Variants in UGT2B17 observed in about 807,000 individuals in gnomAD.
UGT2B17 encodes the protein UDP-glucuronosyltransferase 2B17.
A neutral mutation model predicts 48.2 loss-of-function variants in UGT2B17; 21 were observed. The observed-to-expected ratio is 0.44, with a 90% CI of 0.31 to 0.63. The LOEUF (loss-of-function observed/expected upper bound fraction) is 0.63. UGT2B17 is among the 20% of genes least tolerant of loss of function. UGT2B17 has a pLI of 0.08. For synonymous variants in UGT2B17, 146 were observed against 238.4 expected, an observed-to-expected ratio of 0.61 and a Z score of 3.57; for missense variants, 402 against 696.1, an observed-to-expected ratio of 0.58 and a Z score of 4.75.
rs1200305780 is a variant in UGT2B17, at chr4:68,546,527, G to C, written c.1313+4150C>G. Among the ~76,000 whole-genome samples the C allele has an allele frequency of 1.6e-5, 2 of 126,150 alleles. 1 individual carries two copies. Among genetic ancestry groups the C allele is most frequent in the Non-Finnish European group, 3.4e-5 (2 of 59,586 alleles). The allele number at this position is 126,150 out of a possible 152,430, so 82.8% of individuals were successfully genotyped here. ...TTGAAGACTGGTACAAGACAGGGAT[G>C]CCCTCTCTCACCACTCCTATTCAAC... is the stretch of plus-strand genomic sequence containing the variant. On this transcript the variant is annotated intron_variant, in intron 6 of 6. Coordinates refer to ENST00000317746, the MANE Select transcript of UGT2B17 (RefSeq NM_001077.4).
Position 68,567,835 on chromosome 4 carries a change from T to C in UGT2B17, c.650A>G (p.Tyr217Cys), listed in dbSNP as rs768250867. ...AAACCAAAAGTCAAAATAAAGCATA[T>C]ATATCATATTTTTTATCCTCTCCAT... ...IFMERIKNMI[Y>C]MLYFDFWFQA... The change falls in exon 2 of 7, where the codon TAT (tyrosine) becomes TGT (cysteine). Residue 217 changes from tyrosine (Y) to cysteine (C), a missense_variant. This residue lies in a region of UGT2B17 where 106 missense variants were observed against 169.8 expected (regional missense o/e 0.62). Transcript: ENST00000317746. 66 of 1,374,888 alleles carry C rather than the reference T, an allele frequency of 4.8e-5. 17 individuals are homozygous for C. Among genetic ancestry groups the C allele is most frequent in the Non-Finnish European group, 6.2e-5 (65 of 1,053,056 alleles). The allele number at this position is 1,374,888 out of a possible 1,614,324, so 85.2% of individuals were successfully genotyped here. A position where few individuals can be genotyped will look rare whatever the true frequency, so the allele number is the denominator to read the frequency against.
Position 68,537,410 on chromosome 4 carries a change from A to G in UGT2B17, c.*215T>C. 2.6e-6 allele frequency: 1 copy of G among 380,400 alleles called. No homozygotes were observed. The highest frequency in any genetic ancestry group is 3.9e-6 in the Non-Finnish European group (1 of 256,522). The allele number at this position is 380,400 out of a possible 1,614,324, so 23.6% of individuals were successfully genotyped here. A position where few individuals can be genotyped will look rare whatever the true frequency, so the allele number is the denominator to read the frequency against. ...TCAATATAAGCCCATAAGGTTTTAT[A>G]TTATTATTTTTCATAGCTTAAAAAT... On this transcript the variant is annotated 3_prime_UTR_variant, in exon 7 of 7. Transcript: ENST00000317746.
rs1314439227 is a variant in UGT2B17, at chr4:68,571,538, C to G, written c.-64-2990G>C. ...TGTGGTACTATTATAGAGCTTTTGT[C>G]TAAGACAGCTAAGCTGCCTTACAGG... On this transcript the variant is annotated intron_variant, in intron 1 of 6. Coordinates refer to ENST00000317746, the MANE Select transcript of UGT2B17 (RefSeq NM_001077.4). Among the ~76,000 whole-genome samples the G allele has an allele frequency of 1.6e-5, 2 of 126,580 alleles. 1 individual carries two copies. The highest frequency in any genetic ancestry group is 1.5e-3 in the East Asian group (2 of 1,338). The allele number at this position is 126,580 out of a possible 152,430, so 83.0% of individuals were successfully genotyped here.
chr4:68,555,956 G>T (rs1730992779), intron 4 of UGT2B17, among the ~76,000 whole-genome samples: 1 of 103,464 alleles, frequency 9.7e-6, no homozygotes, highest in Non-Finnish European at 2.0e-5. Context: ...AAAGCTTGAA[G>T]AGAAATAATT....
intron 6 of UGT2B17, among the ~76,000 whole-genome samples, chr4:68,544,645 C>G (rs1207581152): frequency 1.6e-5 from 2 of 126,050 alleles, no homozygotes; most frequent in Non-Finnish European, 3.4e-5. Context: ...AAGACACAGA[C>G]TGGCAAACTG....
Position 68,558,446 on chromosome 4 carries a change from C to A in UGT2B17, c.1005+2091G>T, listed in dbSNP as rs371502410. 2.9e-4 allele frequency among the ~76,000 whole-genome samples: 37 copies of A among 126,424 alleles called. 12 individuals carry two copies. The East Asian group carries it at 0.012, about 41-fold the overall frequency. The allele number at this position is 126,424 out of a possible 152,430, so 82.9% of individuals were successfully genotyped here. On this transcript the variant is annotated intron_variant, in intron 4 of 6. Transcript: ENST00000317746. ...TACAAATTAAGCTAGACAACTTAAA[C>A]TCCAGAAGAAAATAACAGCAACCAA...
chr4:68,546,578 G>A (rs1323491918), intron 6 of UGT2B17, among the ~76,000 whole-genome samples: 3 of 125,298 alleles, frequency 2.4e-5, no homozygotes, highest in Non-Finnish European at 5.1e-5. Context: ...CTGGCCAGGA[G>A]AATAAGGCAG....
At chr4:68,558,495 T>A (rs932491188) in intron 4 of UGT2B17, among the ~76,000 whole-genome samples, 1 of 126,562 alleles carries the variant, frequency 7.9e-6, no homozygotes, top group Non-Finnish European at 1.7e-5. Context: ...TCCACTTTCA[T>A]ACCTGCCTAC....
rs1183023144 is a variant in UGT2B17 at position 68,537,625 on chromosome 4, C to G, written c.1593G>C (p.Ter531TyrextTer9). 11 of 1,364,644 alleles carry G rather than the reference C, an allele frequency of 8.1e-6. 1 individual carries two copies. Among genetic ancestry groups the G allele is most frequent in the Non-Finnish European group, 9.6e-6 (10 of 1,046,444 alleles). The allele number at this position is 1,364,644 out of a possible 1,614,324, so 84.5% of individuals were successfully genotyped here. Residue 531 changes from the stop codon to tyrosine (Y), a stop_lost, in exon 7 of 7, where the codon TAG becomes TAC. Transcript: ENST00000317746. ...AKTGKKKKRD[*>Y] ...ATTCCACTTCAGGCTTTTGATATAA[C>G]TAATCCCTTTTCTTCTTCTTTCCTG...
chr4:68,568,055 A>C lies in UGT2B17; in HGVS notation c.430T>G (p.Ser144Ala), dbSNP rs1357039335. 7.2e-7 allele frequency: 1 copy of C among 1,381,592 alleles called. No homozygotes were observed. Among genetic ancestry groups the C allele is most frequent in the Non-Finnish European group, 9.5e-7 (1 of 1,055,048 alleles). The allele number at this position is 1,381,592 out of a possible 1,614,324, so 85.6% of individuals were successfully genotyped here. Reference sequence around the variant, plus strand: ...TCTGCCAGAAGGACATCAAATTTTGACTCTTGTAGTTTTCTCATAAGTTTC... The same window carrying C: ...TCTGCCAGAAGGACATCAAATTTTGCCTCTTGTAGTTTTCTCATAAGTTTC... ...NKKLMRKLQE[S>A]KFDVLLADAV... Residue 144 changes from serine (S) to alanine (A), a missense_variant, in exon 2 of 7, where the codon TCA becomes GCA. Coordinates refer to ENST00000317746, the MANE Select transcript of UGT2B17 (RefSeq NM_001077.4).
rs1184873424 is a variant in UGT2B17 at position 68,555,841 on chromosome 4, G to T, written c.1006-3930C>A. Among the ~76,000 whole-genome samples the T allele has an allele frequency of 6.5e-5, 8 of 123,074 alleles. 1 individual carries two copies. The highest frequency in any genetic ancestry group is 2.2e-4 in the African/African-American group (8 of 36,302). The allele number at this position is 123,074 out of a possible 152,430, so 80.7% of individuals were successfully genotyped here. The stretch of plus-strand genomic sequence containing the variant: ...GTGAAGAAGTGTTGTCTAATTCAAA[G>T]CTTATTTAAAGGTTATGTATAAAAC... On this transcript the variant is annotated intron_variant, in intron 4 of 6. Transcript: ENST00000317746.
chr4:68,543,160 C>A (rs1321365404), intron 6 of UGT2B17, among the ~76,000 whole-genome samples: 1 of 125,992 alleles, frequency 7.9e-6, no homozygotes, highest in Non-Finnish European at 1.7e-5. Context: ...GTCCTGATCC[C>A]CGAGTAGCCT....
rs538821093 is a variant in UGT2B17 at position 68,545,369 on chromosome 4, A to T, written c.1313+5308T>A. Among the ~76,000 whole-genome samples, 15 of 126,232 alleles carry T rather than the reference A, an allele frequency of 1.2e-4. 6 individuals carry two copies. The highest frequency in any genetic ancestry group is 4.1e-4 in the African/African-American group (15 of 36,876). 82.8% of individuals were successfully genotyped at this position (126,232 alleles called of 152,430 possible). A position where few individuals can be genotyped will look rare whatever the true frequency, so the allele number is the denominator to read the frequency against. The stretch of plus-strand genomic sequence containing the variant: ...AAGGCAGAATTAAAGATGTTCTTTG[A>T]AACCAACGAGAACAAAGACACAACA... On this transcript the variant is annotated intron_variant, in intron 6 of 6. Coordinates refer to ENST00000317746, the MANE Select transcript of UGT2B17 (RefSeq NM_001077.4).
chr4:68,539,172 A>G (rs1343184623), intron 6 of UGT2B17, among the ~76,000 whole-genome samples: 1 of 126,564 alleles, frequency 7.9e-6, no homozygotes, highest in Admixed American at 8.2e-5. Context: ...TATCTTAAAC[A>G]TTATCCAAAA....
At chr4:68,550,115 T>A (rs1730888457) in intron 6 of UGT2B17, among the ~76,000 whole-genome samples, 1 of 125,332 alleles carries the variant, frequency 8.0e-6, no homozygotes, top group Admixed American at 8.2e-5. Flanking sequence ...TTTCTAGGAC[T>A]GGAGGTGTAT....
In UGT2B17 at chr4:68,537,178, A is replaced by G. The variant is rs1235160076; in HGVS notation, c.*447T>C. On this transcript the variant is annotated 3_prime_UTR_variant, in exon 7 of 7. Transcript: ENST00000317746. ...CTCAAAAGGAAGAGTGAGACTTTTTACATAATTTAATTATTGAAGATTTCA... is the reference window on the plus strand; with the variant it reads ...CTCAAAAGGAAGAGTGAGACTTTTTGCATAATTTAATTATTGAAGATTTCA... The G allele has an allele frequency of 7.8e-6, 1 of 128,150 alleles. No homozygotes were observed. The highest frequency in any genetic ancestry group is 2.7e-5 in the African/African-American group (1 of 37,216). 7.9% of individuals were successfully genotyped at this position (128,150 alleles called of 1,614,324 possible).
rs1409334980 is a variant in UGT2B17 at position 68,566,988 on chromosome 4, T to A, written c.724+773A>T. On this transcript the variant is annotated intron_variant, in intron 2 of 6. Transcript: ENST00000317746. ...ATCTTTACACCTACTACTGTCTTGG[T>A]TCATCTTAAGATCTTAATATAATTA... Among the ~76,000 whole-genome samples the A allele has an allele frequency of 2.6e-5, 3 of 116,910 alleles. 1 individual carries two copies. The highest frequency in any genetic ancestry group is 9.1e-5 in the Admixed American group (1 of 10,970). The allele number at this position is 116,910 out of a possible 152,430, so 76.7% of individuals were successfully genotyped here. A position where few individuals can be genotyped will look rare whatever the true frequency, so the allele number is the denominator to read the frequency against.
chr4:68,571,270 T>C (rs1044540662), intron 1 of UGT2B17, among the ~76,000 whole-genome samples: 1 of 125,478 alleles, frequency 8.0e-6, no homozygotes, highest in Non-Finnish European at 1.7e-5. Flanking sequence ...CTGGGAAGCC[T>C]AGAAGTTCAT....
At chr4:68,540,146 G>A (rs10005524) in intron 6 of UGT2B17, among the ~76,000 whole-genome samples, 60,004 of 123,788 alleles carry the variant, frequency 0.48, 23,431 homozygotes, top group Middle Eastern at 0.75. Flanking sequence ...AGAGATATAT[G>A]TATGGATACA....
Sources: allele counts gnomAD v4.1 joint callset (sites outside exome capture counted in the v4.1 genomes callset), GRCh38; gene constraint gnomAD v4.1.1; regional missense constraint gnomAD v4.1.1; transcripts MANE v1.5; gene names NCBI Gene and HGNC (gene_info 2026-07-23, HGNC 2026-07-21).